Variants in NRXN3 observed in about 807,000 individuals in gnomAD.
The protein encoded by NRXN3 is neurexin III.
Under a neutral mutation model 137.6 loss-of-function variants are expected in NRXN3, and 32 were observed. The ratio of observed to expected loss-of-function variants is 0.23; its 90% CI spans 0.18 to 0.31. The LOEUF is 0.31. NRXN3 is among the 10% of genes least tolerant of loss of function. The pLI is 1.00. For missense variants in NRXN3, 1,574 were observed against 2,062.5 expected (o/e 0.76, Z 4.59); for synonymous variants, 798 against 784.5 (o/e 1.02, Z -0.29).
At chr14:79,829,436 A>G (rs2099316097) in intron 20 of NRXN3, among the ~76,000 whole-genome samples, 1 of 152,218 alleles carries the variant, frequency 6.6e-6, no homozygotes, top group Admixed American at 6.5e-5. Context: ...CTCTCTGCTT[A>G]TAAAAATTCA....
chr14:78,576,092 T>A (rs181233959), intron 4 of NRXN3, among the ~76,000 whole-genome samples: 7 of 152,352 alleles, frequency 4.6e-5, no homozygotes, highest in African/African-American at 1.7e-4. Context: ...CATGTATTAG[T>A]CATGCACAGA....
At chr14:78,843,126 C>G (rs2099017220) in intron 10 of NRXN3, among the ~76,000 whole-genome samples, 1 of 152,084 alleles carries the variant, frequency 6.6e-6, no homozygotes, top group African/African-American at 2.4e-5. Context: ...GATAAGCGTC[C>G]ATGAAATCTT....
chr14:78,568,072 G>C (rs376144604), intron 4 of NRXN3, among the ~76,000 whole-genome samples: 1 of 152,206 alleles, frequency 6.6e-6, no homozygotes, highest in African/African-American at 2.4e-5. Context: ...ATCGGGTAGA[G>C]GGGATTTTGG....
At chr14:79,257,387 G>A (rs1597922507) in intron 15 of NRXN3, among the ~76,000 whole-genome samples, 7 of 87,176 alleles carry the variant, frequency 8.0e-5, no homozygotes, top group Admixed American at 2.7e-4. Context: ...TGGTGGTGGT[G>A]ATGGTGGTGG....
chr14:78,991,047 C>T (rs569755071), intron 15 of NRXN3, among the ~76,000 whole-genome samples: 1 of 152,282 alleles, frequency 6.6e-6, no homozygotes, highest in South Asian at 2.1e-4. Context: ...TAGCCTGTAT[C>T]AGGACTCAAG....
chr14:78,847,393 G>T (rs1410881083), intron 10 of NRXN3, among the ~76,000 whole-genome samples: 1 of 152,082 alleles, frequency 6.6e-6, no homozygotes, highest in Non-Finnish European at 1.5e-5. Context: ...CCCAGAATTT[G>T]ATGGCCTTTC....
chr14:78,977,098 A>T (rs138755434), intron 14 of NRXN3, among the ~76,000 whole-genome samples: 1 of 152,316 alleles, frequency 6.6e-6, no homozygotes, highest in East Asian at 1.9e-4. Flanking sequence ...TGAGGTTTAG[A>T]GTTTAATATC....
At chr14:78,560,970 A>G (rs1157336910) in intron 4 of NRXN3, among the ~76,000 whole-genome samples, 1 of 152,200 alleles carries the variant, frequency 6.6e-6, no homozygotes, top group African/African-American at 2.4e-5. Context: ...TGGTGATTGT[A>G]TTAGTCAGGT....
chr14:78,532,895 A>G (rs1197095425), intron 4 of NRXN3, among the ~76,000 whole-genome samples: 1 of 152,040 alleles, frequency 6.6e-6, no homozygotes, highest in African/African-American at 2.4e-5. Flanking sequence ...TCTGCATGTG[A>G]CACCACTATC....
chr14:79,725,418 C>T (rs1325625291), intron 19 of NRXN3, among the ~76,000 whole-genome samples: 1 of 152,128 alleles, frequency 6.6e-6, no homozygotes, highest in East Asian at 1.9e-4. Context: ...AGTGTGGTTT[C>T]CCCCTTTCTC....
chr14:78,563,179 A>G (rs1038215932), intron 4 of NRXN3, among the ~76,000 whole-genome samples: 3 of 152,232 alleles, frequency 2.0e-5, no homozygotes, highest in Admixed American at 6.5e-5. Context: ...GGCAGAAAAA[A>G]TAAAATTTCT....
chr14:79,363,526 A>G (rs978143346), intron 15 of NRXN3, among the ~76,000 whole-genome samples: 10 of 152,082 alleles, frequency 6.6e-5, no homozygotes, highest in African/African-American at 2.2e-4. Context: ...CCAGGCAGCT[A>G]AAAGAGCTTC....
chr14:79,651,699 T>C (rs2153972545), intron 16 of NRXN3, among the ~76,000 whole-genome samples: 1 of 152,308 alleles, frequency 6.6e-6, no homozygotes, highest in Non-Finnish European at 1.5e-5. Flanking sequence ...TTTTCAGCTC[T>C]GTACACCTGT....
At chr14:79,772,798 G>A (rs1270749336) in intron 19 of NRXN3, among the ~76,000 whole-genome samples, 4 of 152,092 alleles carry the variant, frequency 2.6e-5, no homozygotes, top group African/African-American at 4.8e-5. Flanking sequence ...AAACTAAAGA[G>A]CTTCTGCACA....
intron 4 of NRXN3, among the ~76,000 whole-genome samples, chr14:78,426,128 C>T (rs567468024): frequency 5.7e-4 from 87 of 152,292 alleles, no homozygotes; most frequent in African/African-American, 2.0e-3. Context: ...CTCATTGACT[C>T]TTCTCAACTT....
chr14:78,272,680 G>T (rs373243486), intron 2 of NRXN3, among the ~76,000 whole-genome samples: 6 of 152,098 alleles, frequency 3.9e-5, no homozygotes, highest in African/African-American at 1.4e-4. Context: ...AGCTCCATGG[G>T]TTAGATGGTT....
At chr14:79,032,979 A>G (rs2099610362) in intron 15 of NRXN3, among the ~76,000 whole-genome samples, 1 of 152,156 alleles carries the variant, frequency 6.6e-6, no homozygotes, top group Non-Finnish European at 1.5e-5. Context: ...GGCACCTTCA[A>G]TTAATGTTAA....
At chr14:79,315,851 T>A (rs1013969220) in intron 15 of NRXN3, among the ~76,000 whole-genome samples, 1 of 152,248 alleles carries the variant, frequency 6.6e-6, no homozygotes, top group Admixed American at 6.5e-5. Flanking sequence ...AATTCAATGC[T>A]ACACAAAGCT....
intron 16 of NRXN3, among the ~76,000 whole-genome samples, chr14:79,509,925 G>C (rs2096916290): frequency 6.6e-6 from 1 of 152,086 alleles, no homozygotes; most frequent in South Asian, 2.1e-4. Context: ...AATAAAAGAA[G>C]ATCATAGTTA....
Sources: gnomAD v4.1 joint callset for allele counts (sites outside exome capture counted in the v4.1 genomes callset) on GRCh38, gnomAD v4.1.1 for gene constraint, MANE v1.5 for transcripts, NCBI Gene and HGNC (gene_info 2026-07-23, HGNC 2026-07-21) for gene names.